KCNH1: variants seen among roughly 807,000 people sequenced by gnomAD.
KCNH1 encodes the protein voltage-gated delayed rectifier potassium channel KCNH1.
A neutral mutation model predicts 69.2 loss-of-function variants in KCNH1; 27 were observed. The ratio of observed to expected loss-of-function variants is 0.39; its 90% CI spans 0.29 to 0.54. The LOEUF (loss-of-function observed/expected upper bound fraction) is 0.54. Among genes scored for constraint, KCNH1 ranks in the 20% least tolerant of loss-of-function variants. The pLI, the probability that KCNH1 is intolerant of heterozygous loss-of-function variation, is 0.68. For missense variants in KCNH1, 798 were observed against 1,261.6 expected (o/e 0.63, Z 5.57); for synonymous variants, 456 against 487.7 (o/e 0.93, Z 0.86).
chr1:210,772,585 C>T (rs1342006160), intron 10 of KCNH1, among the ~76,000 whole-genome samples: 1 of 151,778 alleles, frequency 6.6e-6, no homozygotes, highest in African/African-American at 2.4e-5. Flanking sequence ...TGGATCCATA[C>T]CAGACTCATA....
intron 6 of KCNH1, among the ~76,000 whole-genome samples, chr1:210,925,499 T>C (rs544893601): frequency 6.6e-6 from 1 of 152,324 alleles, no homozygotes; most frequent in Admixed American, 6.5e-5. Flanking sequence ...GGTCACCTGC[T>C]GCCTGGAAAT....
chr1:210,771,478 A>G (rs1383294571), intron 10 of KCNH1, among the ~76,000 whole-genome samples: 1 of 152,250 alleles, frequency 6.6e-6, no homozygotes, highest in African/African-American at 2.4e-5. Flanking sequence ...CAAGAGGTGC[A>G]GAGAACCTGC....
At chr1:211,115,726 TATATACAC>T (rs1337616119) in intron 1 of KCNH1, among the ~76,000 whole-genome samples, 17 of 126,868 alleles carry the variant, frequency 1.3e-4, no homozygotes, top group African/African-American at 2.4e-4. Flanking sequence ...TGTATATATA[TATATACAC>T]ACACACACAC....
chr1:211,009,365 G>A (rs1004161759), intron 6 of KCNH1, among the ~76,000 whole-genome samples: 1 of 152,156 alleles, frequency 6.6e-6, no homozygotes, highest in African/African-American at 2.4e-5. Context: ...CTCTTTCTAG[G>A]AGTCTTTCAG....
At chr1:211,119,825 A>C (rs1691655246) in intron 1 of KCNH1, among the ~76,000 whole-genome samples, 1 of 152,204 alleles carries the variant, frequency 6.6e-6, no homozygotes, top group African/African-American at 2.4e-5. Flanking sequence ...ACAGAAATAC[A>C]TTTTTTATTA....
At chr1:211,045,698 TTAACA>T (rs1245395585) in intron 5 of KCNH1, among the ~76,000 whole-genome samples, 1 of 152,172 alleles carries the variant, frequency 6.6e-6, no homozygotes, top group African/African-American at 2.4e-5. Flanking sequence ...ATAAACACAC[TTAACA>T]TAAGTTCTAC....
intron 6 of KCNH1, among the ~76,000 whole-genome samples, chr1:210,989,412 G>A (rs1209489003): frequency 1.3e-5 from 2 of 152,152 alleles, no homozygotes; most frequent in South Asian, 2.1e-4. Context: ...TGGGATATAC[G>A]CAAACCAGTG....
chr1:210,868,347 T>C (rs1432513625), intron 7 of KCNH1, among the ~76,000 whole-genome samples: 1 of 152,004 alleles, frequency 6.6e-6, no homozygotes, highest in Admixed American at 6.6e-5. Context: ...CAAACCTTTA[T>C]CAGCTTAGTC....
intron 10 of KCNH1, among the ~76,000 whole-genome samples, chr1:210,691,663 G>A (rs535013268): frequency 1.2e-4 from 18 of 152,316 alleles, no homozygotes; most frequent in Middle Eastern, 3.4e-3. Flanking sequence ...TTCAGGGGCA[G>A]CACTAGGAAG....
At chr1:210,793,627 G>A (rs1419342284) in intron 9 of KCNH1, among the ~76,000 whole-genome samples, 1 of 152,146 alleles carries the variant, frequency 6.6e-6, no homozygotes. Flanking sequence ...GAATGTGAGT[G>A]GAATATTAGA....
rs1380009437 is a variant in KCNH1, at chr1:210,901,659, G to C, written c.1462+17981C>G. Among the ~76,000 whole-genome samples the C allele has an allele frequency of 3.3e-5, 5 of 152,318 alleles. 1 individual carries two copies. The South Asian group carries it at 1.0e-3, about 32-fold the overall frequency. The stretch of plus-strand genomic sequence containing the variant: ...AGAAAAAAAGGGAAAAGGTCCAGGG[G>C]CTGGAGATGGGGCATGGGGCCTGGG... On this transcript the variant is annotated intron_variant, in intron 7 of 10. Transcript: ENST00000271751.
chr1:210,776,235 C>A (rs1486923178), intron 9 of KCNH1, among the ~76,000 whole-genome samples: 1 of 152,118 alleles, frequency 6.6e-6, no homozygotes, highest in Non-Finnish European at 1.5e-5. Context: ...TCTTTCTCAT[C>A]CTCTCTCCCA....
At chr1:210,986,319 T>C (rs890871093) in intron 6 of KCNH1, among the ~76,000 whole-genome samples, 6 of 152,246 alleles carry the variant, frequency 3.9e-5, no homozygotes, top group African/African-American at 1.2e-4. Flanking sequence ...AATTTGATCC[T>C]GTCATTATGA....
intron 10 of KCNH1, among the ~76,000 whole-genome samples, chr1:210,740,704 A>ATTTTTTTTTTTTTTTTTTTTTTTTTT (rs199727493): frequency 8.5e-6 from 1 of 117,264 alleles, no homozygotes; most frequent in African/African-American, 3.4e-5. Context: ...TTATGATTAA[A>ATTTTTTTTTTTTTTTTTTTTTTTTTT]TTTTTTTTTT....
chr1:211,009,353 A>G (rs1010899682), intron 6 of KCNH1, among the ~76,000 whole-genome samples: 1 of 152,184 alleles, frequency 6.6e-6, no homozygotes, highest in Non-Finnish European at 1.5e-5. Context: ...AAGTACAGAG[A>G]ACTCTTTCTA....
intron 10 of KCNH1, among the ~76,000 whole-genome samples, chr1:210,724,332 G>T (rs572296786): frequency 6.6e-6 from 1 of 152,150 alleles, no homozygotes; most frequent in Non-Finnish European, 1.5e-5. Context: ...ATTTCAATGT[G>T]CAGCCAAGGC....
chr1:210,925,221 T>C (rs1687543188), intron 6 of KCNH1, among the ~76,000 whole-genome samples: 1 of 152,098 alleles, frequency 6.6e-6, no homozygotes, highest in South Asian at 2.1e-4. Context: ...AGAAACTCAG[T>C]GAGGATTGAC....
chr1:211,009,505 A>C (rs986767498), intron 6 of KCNH1, among the ~76,000 whole-genome samples: 2 of 152,240 alleles, frequency 1.3e-5, no homozygotes, highest in African/African-American at 4.8e-5. Flanking sequence ...AATTCAGCAC[A>C]GAACCTGACC....
At chr1:210,917,060 A>G (rs1407260012) in intron 7 of KCNH1, among the ~76,000 whole-genome samples, 1 of 151,852 alleles carries the variant, frequency 6.6e-6, no homozygotes, top group Non-Finnish European at 1.5e-5. Flanking sequence ...AGGCAGGAGA[A>G]TCACTTGAAC....
Sources: allele counts gnomAD v4.1 joint callset (sites outside exome capture counted in the v4.1 genomes callset), GRCh38; gene constraint gnomAD v4.1.1; transcripts MANE v1.5; gene names NCBI Gene and HGNC (gene_info 2026-07-23, HGNC 2026-07-21).